Variants in APH1B observed in about 807,000 individuals in gnomAD.
The protein encoded by APH1B is aph-1B gamma-secretase subunit, also known as gamma-secretase subunit APH-1B.
APH1B carries 27 observed loss-of-function variants against 28.2 expected under a neutral mutation model. The observed-to-expected ratio is 0.96, with a 90% CI of 0.70 to 1.32. The LOEUF (loss-of-function observed/expected upper bound fraction) is 1.32, where lower values mean the gene tolerates loss of function less well. Ranked by LOEUF, APH1B falls within the 40% of genes most tolerant of loss-of-function variation. The pLI is 0.00. For missense variants in APH1B, 305 were observed against 313.6 expected (o/e 0.97, Z 0.21); for synonymous variants, 141 against 124.6 (o/e 1.13, Z -0.88).
In APH1B at chr15:63,309,110, TTGTC is replaced by T. The variant is rs1219241063; in HGVS notation, c.*3332_*3335del. On this transcript the variant is annotated 3_prime_UTR_variant, in exon 6 of 6. Transcript: ENST00000261879. ...CATTTTTCAGTGAACAATAAAAAGA[TTGTC>T]TGGCACTCCTCATTTCCTGTGTTTC... 10 of 152,336 alleles carry T rather than the reference TTGTC, an allele frequency of 6.6e-5. No homozygotes were observed. Among genetic ancestry groups the T allele is most frequent in the African/African-American group, 2.4e-4 (10 of 41,578 alleles). The allele number at this position is 152,336 out of a possible 1,614,324, so 9.4% of individuals were successfully genotyped here. A position where few individuals can be genotyped will look rare whatever the true frequency, so the allele number is the denominator to read the frequency against.
intron 4 of APH1B, among the ~76,000 whole-genome samples, chr15:63,298,530 T>C (rs575921832): frequency 6.6e-6 from 1 of 152,258 alleles, no homozygotes; most frequent in African/African-American, 2.4e-5. Context: ...TTTTAAGACA[T>C]AGTCAAGTAC....
intron 1 of APH1B, chr15:63,278,425 T>G: frequency 2.5e-5 from 11 of 448,472 alleles, no homozygotes; most frequent in South Asian, 1.7e-4. Context: ...ACATCCCCCC[T>G]CCTCTGATGA....
At chr15:63,303,096 G>A (rs759883689) in intron 5 of APH1B, among the ~76,000 whole-genome samples, 5 of 152,186 alleles carry the variant, frequency 3.3e-5, no homozygotes, top group Non-Finnish European at 7.4e-5. Flanking sequence ...AGATTTCAGA[G>A]AATGATTACA....
chr15:63,296,197 G>A (rs2038565378), intron 4 of APH1B, among the ~76,000 whole-genome samples: 1 of 152,220 alleles, frequency 6.6e-6, no homozygotes, highest in African/African-American at 2.4e-5. Flanking sequence ...GATCTCTCAA[G>A]AGTCTGGAGA....
chr15:63,287,098 C>G (rs1395873920), intron 3 of APH1B: 2 of 270,426 alleles, frequency 7.4e-6, no homozygotes, highest in African/African-American at 4.4e-5. Flanking sequence ...AAACTTAACT[C>G]TGTAGACTCT....
At chr15:63,277,819 G>A in intron 1 of APH1B, 83 bp downstream of exon 1, 2 of 1,362,796 alleles carry the variant, frequency 1.5e-6, no homozygotes, top group Non-Finnish European at 2.0e-6. Context: ...CGCCCCCACC[G>A]CGCGGCTCGA....
Position 63,299,835 on chromosome 15 carries a change from A to G in APH1B, c.479-2510A>G, listed in dbSNP as rs77411526. Among the ~76,000 whole-genome samples the G allele has an allele frequency of 6.4e-3, 972 of 151,966 alleles. 8 individuals are homozygous for G. Among genetic ancestry groups the G allele is most frequent in the African/African-American group, 0.021 (876 of 41,410 alleles). On this transcript the variant is annotated intron_variant, in intron 4 of 5. Transcript: ENST00000261879. Reference sequence around the variant, plus strand: ...AAAGAACATCCAATTGGAAAAGGCAATCGGGTTTTATTCCCTGGCCAGAAA... The same window carrying G: ...AAAGAACATCCAATTGGAAAAGGCAGTCGGGTTTTATTCCCTGGCCAGAAA...
Position 63,302,452 on chromosome 15 carries a change from C to T in APH1B, c.586C>T (p.His196Tyr), listed in dbSNP as rs745742197. Residue 196 changes from histidine (H) to tyrosine (Y), a missense_variant, in exon 5 of 6, where the codon CAC becomes TAC. Physicochemically the swap from His to Tyr is moderately conservative, Grantham distance 83 (BLOSUM62 2). Coordinates refer to ENST00000261879, the MANE Select transcript of APH1B (RefSeq NM_031301.4). ...CATCCTCCTTATCGTTCTCCTGACC[C>T]ACCTGCTGGTGTCAGCCCAGGTGAG... ...WGILLIVLLT[H>Y]LLVSAQTFIS... The T allele has an allele frequency of 8.7e-6, 14 of 1,613,564 alleles. No individual in the cohort carries two copies. The highest frequency in any genetic ancestry group is 1.7e-5 in the Admixed American group (1 of 59,910).
intron 2 of APH1B, among the ~76,000 whole-genome samples, chr15:63,282,503 CAT>C (rs1244255867): frequency 6.6e-6 from 1 of 152,158 alleles, no homozygotes; most frequent in East Asian, 1.9e-4. Flanking sequence ...GAGAAATTGG[CAT>C]GTGTGGTAGC....
In APH1B at chr15:63,279,327, TTAAAG is replaced by T. The variant is rs2152591213; in HGVS notation, c.284_284+4del. Reference sequence around the variant, plus strand: ...GTTCCGATTTGCATATTATAAACTCTTAAAGTAAGTTAAATACCTGCCTTACCTTT... The same window carrying T: ...GTTCCGATTTGCATATTATAAACTCTTAAGTTAAATACCTGCCTTACCTTT... On this transcript the variant is annotated splice_donor_variant and coding_sequence_variant, in exon 2 of 6. Coordinates refer to ENST00000261879, the MANE Select transcript of APH1B (RefSeq NM_031301.4). LOFTEE classifies it high-confidence loss of function. 1 of 1,588,204 alleles carries T rather than the reference TTAAAG, an allele frequency of 6.3e-7. No individual in the cohort carries two copies. Among genetic ancestry groups the T allele is most frequent in the African/African-American group, 1.3e-5 (1 of 74,422 alleles).
intron 2 of APH1B, among the ~76,000 whole-genome samples, chr15:63,284,714 C>G (rs2038428287): frequency 6.6e-6 from 1 of 152,186 alleles, no homozygotes; most frequent in Non-Finnish European, 1.5e-5. Context: ...CAACAGATAA[C>G]TGTATTTTAT....
intron 4 of APH1B, among the ~76,000 whole-genome samples, chr15:63,297,965 T>A (rs16946771): frequency 0.035 from 5,396 of 152,170 alleles, 186 homozygotes; most frequent in East Asian, 0.16. Flanking sequence ...GTCCAAGGGA[T>A]CTCTTCTAGA....
intron 4 of APH1B, among the ~76,000 whole-genome samples, chr15:63,298,116 T>C (rs1409865049): frequency 2.0e-5 from 3 of 152,096 alleles, no homozygotes; most frequent in Non-Finnish European, 4.4e-5. Context: ...TGTGGGTTGA[T>C]GAAAGAGGGG....
In APH1B at chr15:63,286,604, C is replaced by T. The variant is rs1343131187; in HGVS notation, c.331C>T (p.Pro111Ser). Reference protein sequence around the residue: ...LKSINPGETAPSMRLLAYVSG... With the variant: ...LKSINPGETASSMRLLAYVSG... Reference sequence around the variant, plus strand: ...GAGTATAAACCCAGGTGAGACAGCACCCTCTATGCGACTGCTGGCCTATGG... The same window carrying T: ...GAGTATAAACCCAGGTGAGACAGCATCCTCTATGCGACTGCTGGCCTATGG... Residue 111 changes from proline (P) to serine (S), a missense_variant, in exon 3 of 6, where the codon CCC becomes TCC. Physicochemically the swap from Pro to Ser is moderately conservative, Grantham distance 74. Transcript: ENST00000261879. 1 of 1,607,328 alleles carries T rather than the reference C, an allele frequency of 6.2e-7. No individual in the cohort carries two copies.
At chr15:63,283,419 A>G (rs1184026296) in intron 2 of APH1B, among the ~76,000 whole-genome samples, 2 of 152,106 alleles carry the variant, frequency 1.3e-5, no homozygotes, top group Non-Finnish European at 2.9e-5. Flanking sequence ...TGGTAGAGAC[A>G]TAGGCTCCTT....
chr15:63,303,731 G>T (rs1023877278), intron 5 of APH1B, among the ~76,000 whole-genome samples: 1 of 152,062 alleles, frequency 6.6e-6, no homozygotes, highest in Non-Finnish European at 1.5e-5. Context: ...GGGCTCAAGC[G>T]ATCCTCCTCT....
chr15:63,277,953 C>A (rs942651006), intron 1 of APH1B: 9 of 571,678 alleles, frequency 1.6e-5, no homozygotes, highest in South Asian at 1.5e-4. Context: ...GCCTGGGGCT[C>A]ATGGGTGGGG....
chr15:63,294,816 A>G (rs2038546934), intron 4 of APH1B, among the ~76,000 whole-genome samples: 1 of 152,206 alleles, frequency 6.6e-6, no homozygotes, highest in African/African-American at 2.4e-5. Context: ...TTCGGGTGGT[A>G]AGCTACATTT....
At chr15:63,291,540 AAATTCATATAG>A (rs2038506924) in intron 4 of APH1B, 2 of 152,354 alleles carry the variant, frequency 1.3e-5, no homozygotes, top group Non-Finnish European at 2.9e-5. Context: ...TGAAGAAGTA[AAATTCATATAG>A]AAAGAATGTT....
Sources: allele counts gnomAD v4.1 joint callset (sites outside exome capture counted in the v4.1 genomes callset), GRCh38; gene constraint gnomAD v4.1.1; transcripts MANE v1.5; gene names NCBI Gene and HGNC (gene_info 2026-07-23, HGNC 2026-07-21).